Variants in COL4A4 observed in about 807,000 individuals in gnomAD.
COL4A4 encodes the protein collagen type IV alpha 4 chain, also known as collagen alpha-4(IV) chain.
Under a neutral mutation model 192.9 loss-of-function variants are expected in COL4A4, and 105 were observed. The observed-to-expected ratio is 0.54, with a 90% CI of 0.46 to 0.64. The LOEUF (loss-of-function observed/expected upper bound fraction) is 0.64, where lower values mean the gene tolerates loss of function less well. Ranked by LOEUF, COL4A4 falls within the 30% of genes least tolerant of loss-of-function variation. The pLI, the probability that COL4A4 is intolerant of heterozygous loss-of-function variation, is 0.00. For missense variants in COL4A4, 1,967 were observed against 2,169.3 expected (o/e 0.91, Z 1.85); for synonymous variants, 762 against 769.9 (o/e 0.99, Z 0.17).
intron 35 of COL4A4, among the ~76,000 whole-genome samples, chr2:227,045,831 TACACAC>T (rs200481442): frequency 0.028 from 1,983 of 69,844 alleles, 294 homozygotes; most frequent in African/African-American, 0.082. Flanking sequence ...TATATATATA[TACACAC>T]ATATATATAT....
Position 227,101,918 on chromosome 2 carries a change from T to A in COL4A4, c.931-9A>T. On this transcript the variant is annotated splice_polypyrimidine_tract_variant and intron_variant, in intron 15 of 47. Transcript: ENST00000396625. ...TAGGAACCAGGATCCCCCTAATAAATTCACAAAAATCAGGATAAACAGAAT... is the reference window on the plus strand; with the variant it reads ...TAGGAACCAGGATCCCCCTAATAAAATCACAAAAATCAGGATAAACAGAAT... The A allele has an allele frequency of 4.4e-6, 7 of 1,593,288 alleles. No individual in the cohort carries two copies. In the South Asian group the frequency reaches 7.9e-5, roughly 18 times the overall value.
intron 1 of COL4A4, among the ~76,000 whole-genome samples, chr2:227,155,258 T>A (rs1431829772): frequency 6.6e-6 from 1 of 150,706 alleles, no homozygotes; most frequent in African/African-American, 2.4e-5. Context: ...TGGAGTTGAG[T>A]TTGTTAGTGC....
intron 4 of COL4A4, among the ~76,000 whole-genome samples, chr2:227,138,602 C>T (rs1280332860): frequency 6.6e-6 from 1 of 150,536 alleles, no homozygotes; most frequent in African/African-American, 2.4e-5. Context: ...CACCGCACTC[C>T]AGCCTGGGTG....
the COL4A4 span, among the ~76,000 whole-genome samples, chr2:226,988,052 A>C: frequency 6.6e-6 from 1 of 152,142 alleles, no homozygotes; most frequent in African/African-American, 2.4e-5. Flanking sequence ...CTTAGGATGA[A>C]AGTCATAGCA....
At chr2:227,100,417 A>C (rs749266610) in intron 17 of COL4A4, among the ~76,000 whole-genome samples, 5 of 151,562 alleles carry the variant, frequency 3.3e-5, no homozygotes, top group Non-Finnish European at 7.3e-5. Context: ...CTATACAGTC[A>C]GCACTCTTAT....
intron 37 of COL4A4, among the ~76,000 whole-genome samples, chr2:227,038,338 G>C (rs547553640): frequency 6.6e-6 from 1 of 152,114 alleles, no homozygotes; most frequent in Non-Finnish European, 1.5e-5. Flanking sequence ...TTTCCCCATT[G>C]CTTGTTTTTG....
chr2:227,046,361 G>GT (rs1257854492), intron 35 of COL4A4, among the ~76,000 whole-genome samples: 1 of 151,698 alleles, frequency 6.6e-6, no homozygotes, highest in Non-Finnish European at 1.5e-5. Flanking sequence ...GATATGAGGT[G>GT]TTTTAATTTA....
intron 37 of COL4A4, among the ~76,000 whole-genome samples, chr2:227,039,046 A>G (rs990526394): frequency 2.6e-5 from 4 of 152,198 alleles, no homozygotes; most frequent in Non-Finnish European, 5.9e-5. Context: ...GCCAAGTAAT[A>G]TGTTCATTTC....
intron 3 of COL4A4, among the ~76,000 whole-genome samples, chr2:227,142,600 CA>C (rs1000137686): frequency 6.6e-6 from 1 of 151,546 alleles, no homozygotes; most frequent in Non-Finnish European, 1.5e-5. Context: ...CTAAAAATAA[CA>C]AAAAAATTAG....
At chr2:226,996,019 C>T in the COL4A4 span, 5,275 of 157,088 alleles carry the variant, frequency 0.034, 286 homozygotes, top group African/African-American at 0.12. Context: ...GTCCTACTCT[C>T]CCCAACCCCG....
In COL4A4 at chr2:227,101,107, C is replaced by T. The variant is rs550500968; in HGVS notation, c.1029+397G>A. On this transcript the variant is annotated intron_variant, in intron 17 of 47. Coordinates refer to ENST00000396625, the MANE Select transcript of COL4A4 (RefSeq NM_000092.5). ...ACAGGCTTGAGCCACCACGCCCAGC[C>T]TTTCCTGTGCTATTCTTGTGATAGT... Among the ~76,000 whole-genome samples the T allele has an allele frequency of 8.5e-5, 13 of 152,282 alleles. No individual in the cohort carries two copies. The South Asian group carries it at 2.5e-3, about 29-fold the overall frequency.
intron 15 of COL4A4, 108 bp downstream of exon 15, chr2:227,102,681 T>G: frequency 1.1e-6 from 1 of 904,260 alleles, no homozygotes. Context: ...TGTTCTTACA[T>G]GAGCTATTCT....
chr2:227,045,502 C>T (rs1457300579), intron 35 of COL4A4, among the ~76,000 whole-genome samples: 1 of 151,696 alleles, frequency 6.6e-6, no homozygotes, highest in Non-Finnish European at 1.5e-5. Flanking sequence ...GGGCACAGTG[C>T]CTCACACCTG....
chr2:227,031,041 A>ATGGATGGATGGATG lies in COL4A4; in HGVS notation c.3818-444_3818-443insCATCCATCCATCCA, dbSNP rs1553626076. ...TATGTGGATAGATGGTTGGATGGAC[A>ATGGATGGATGGATG]GATGGATGGATGGATGGATGGATGG... On this transcript the variant is annotated intron_variant, in intron 40 of 47. Coordinates refer to ENST00000396625, the MANE Select transcript of COL4A4 (RefSeq NM_000092.5). 5.1e-3 allele frequency among the ~76,000 whole-genome samples: 739 copies of ATGGATGGATGGATG among 146,334 alleles called. 6 individuals are homozygous for ATGGATGGATGGATG. Among genetic ancestry groups the ATGGATGGATGGATG allele is most frequent in the African/African-American group, 0.01 (403 of 38,938 alleles).
chr2:227,057,642 C>T (rs765455732), intron 28 of COL4A4, 42 bp from the exon 29 acceptor site: 3 of 1,598,666 alleles, frequency 1.9e-6, no homozygotes, highest in Non-Finnish European at 2.6e-6. Context: ...TGACAAAAAA[C>T]TATACAGATG....
intron 41 of COL4A4, 123 bp downstream of exon 41, chr2:227,030,320 G>A: frequency 9.2e-7 from 1 of 1,085,346 alleles, no homozygotes; most frequent in South Asian, 1.3e-5. Flanking sequence ...GGGAAATAAG[G>A]ACATTTTGGA....
chr2:227,012,230 A>G lies in COL4A4; in HGVS notation c.4284T>C (p.Pro1428=). The G allele has an allele frequency of 6.2e-7, 1 of 1,614,112 alleles. No individual in the cohort carries two copies. Among genetic ancestry groups the G allele is most frequent in the Non-Finnish European group, 8.5e-7 (1 of 1,180,006 alleles). The change falls in exon 45 of 48, where the codon CCT becomes CCC. Residue 1428 remains proline, a synonymous_variant. Coordinates refer to ENST00000396625, the MANE Select transcript of COL4A4 (RefSeq NM_000092.5). ...GVDGVPGSPG[P]PGRKGDTGED... The stretch of plus-strand genomic sequence containing the variant: ...CTCCTGTGTCACCTTTACGTCCGGG[A>G]GGCCCAGGAGACCCAGGGACGCCAT...
chr2:227,146,179 G>A (rs897630415), intron 2 of COL4A4, among the ~76,000 whole-genome samples: 15 of 152,188 alleles, frequency 9.9e-5, no homozygotes, highest in East Asian at 3.9e-4. Flanking sequence ...GAATGGCCCC[G>A]AGGGGGCCAG....
Position 227,086,597 on chromosome 2 carries a change from T to A in COL4A4, c.1623+2056A>T, listed in dbSNP as rs144920733. Among the ~76,000 whole-genome samples the A allele has an allele frequency of 2.7e-4, 41 of 151,972 alleles. No homozygotes were observed. In the East Asian group the frequency reaches 5.4e-3, roughly 20 times the overall value. On this transcript the variant is annotated intron_variant, in intron 22 of 47. Transcript: ENST00000396625. The stretch of plus-strand genomic sequence containing the variant: ...AGAATCATATACACAACAGACCAGA[T>A]ACACAATCAGAAACGTGGCCAGCCT...
Sources: allele counts gnomAD v4.1 joint callset (sites outside exome capture counted in the v4.1 genomes callset), GRCh38; gene constraint gnomAD v4.1.1; transcripts MANE v1.5; gene names NCBI Gene and HGNC (gene_info 2026-07-23, HGNC 2026-07-21).